Variants in ARHGEF28 observed in about 807,000 individuals in gnomAD.
The protein encoded by ARHGEF28 is 190 kDa guanine nucleotide exchange factor.
A neutral mutation model predicts 206.6 loss-of-function variants in ARHGEF28; 152 were observed. The ratio of observed to expected loss-of-function variants is 0.74; its 90% CI spans 0.64 to 0.84. The LOEUF is 0.84. Among genes scored for constraint, ARHGEF28 ranks in the 40% least tolerant of loss-of-function variants. The pLI is 0.00. For synonymous variants in ARHGEF28, 763 were observed against 776.4 expected, an observed-to-expected ratio of 0.98 and a Z score of 0.29; for missense variants, 2,028 against 2,073.2, an observed-to-expected ratio of 0.98 and a Z score of 0.42.
intron 9 of ARHGEF28, among the ~76,000 whole-genome samples, chr5:73,824,572 G>A (rs920572825): frequency 6.6e-6 from 1 of 151,762 alleles, no homozygotes; most frequent in Non-Finnish European, 1.5e-5. Flanking sequence ...CAGGTCAAGC[G>A]ATTCTCCTGC....
At chr5:73,676,239 GTT>G (rs879828934) in intron 1 of ARHGEF28, among the ~76,000 whole-genome samples, 3 of 82,472 alleles carry the variant, frequency 3.6e-5, no homozygotes, top group Admixed American at 1.1e-4. Context: ...CCCAGCTAAT[GTT>G]TTTTTTTTTT....
chr5:73,891,893 G>A (rs569684739), intron 26 of ARHGEF28, among the ~76,000 whole-genome samples, 159 bp from the exon 27 acceptor site: 4 of 152,190 alleles, frequency 2.6e-5, no homozygotes, highest in South Asian at 2.1e-4. Context: ...TTTCCATACC[G>A]TCTCCATTGG....
intron 22 of ARHGEF28, among the ~76,000 whole-genome samples, chr5:73,875,178 A>G (rs1239847613): frequency 2.0e-5 from 3 of 151,972 alleles, no homozygotes; most frequent in Admixed American, 6.6e-5. Flanking sequence ...AGTGATGATG[A>G]GCATTTTTTC....
intron 9 of ARHGEF28, among the ~76,000 whole-genome samples, chr5:73,828,784 C>A (rs1226219553): frequency 6.7e-6 from 1 of 149,218 alleles, no homozygotes; most frequent in Middle Eastern, 3.4e-3. Flanking sequence ...CCTTTCCTTC[C>A]TTTCCTTTCT....
chr5:73,749,740 A>G (rs1016312072), intron 2 of ARHGEF28, 97 bp from the exon 3 acceptor site: 15 of 1,371,522 alleles, frequency 1.1e-5, no homozygotes, highest in African/African-American at 1.4e-5. Flanking sequence ...AGTGAACATA[A>G]CAAATGACAC....
chr5:73,816,427 A>G (rs1756215659), intron 9 of ARHGEF28, among the ~76,000 whole-genome samples: 1 of 152,146 alleles, frequency 6.6e-6, no homozygotes, highest in Non-Finnish European at 1.5e-5. Context: ...ATGTAGGTTC[A>G]AGTCACCTGA....
chr5:73,836,102 G>A (rs1342929708), intron 10 of ARHGEF28, among the ~76,000 whole-genome samples: 1 of 152,194 alleles, frequency 6.6e-6, no homozygotes, highest in Non-Finnish European at 1.5e-5. Context: ...TAGTGCTGCA[G>A]TGAACATGGG....
chr5:73,928,226 A>C (rs1046081480), intron 35 of ARHGEF28, among the ~76,000 whole-genome samples: 1 of 152,064 alleles, frequency 6.6e-6, no homozygotes, highest in Non-Finnish European at 1.5e-5. Context: ...CGAGAGCCTG[A>C]CCAACATGGT....
At chr5:73,801,404 A>G (rs1344127392) in intron 9 of ARHGEF28, among the ~76,000 whole-genome samples, 1 of 151,958 alleles carries the variant, frequency 6.6e-6, no homozygotes, top group Non-Finnish European at 1.5e-5. Flanking sequence ...CCGAGATCGC[A>G]CCACTGCACT....
chr5:73,728,094 C>T (rs971997261), intron 2 of ARHGEF28, among the ~76,000 whole-genome samples: 2 of 152,138 alleles, frequency 1.3e-5, no homozygotes, highest in Non-Finnish European at 2.9e-5. Flanking sequence ...TAGTGTTGGT[C>T]CTGTTGAGGT....
Position 73,846,274 on chromosome 5 carries a change from C to T in ARHGEF28, c.1434C>T (p.Ser478=). Residue 478 remains serine, a synonymous_variant, in exon 12 of 36, where the codon AGC becomes AGT. Transcript: ENST00000513042. ...EQSHLKKRSS[S]LDALDADSEG... The stretch of plus-strand genomic sequence containing the variant: ...TGCTGGCTTTGTGCTTTAGTTCTAG[C>T]CTTGATGCCTTGGACGCCGACAGTG... 1 of 1,613,100 alleles carries T rather than the reference C, an allele frequency of 6.2e-7. No homozygotes were observed. Among genetic ancestry groups the T allele is most frequent in the Admixed American group, 1.7e-5 (1 of 59,978 alleles).
At chr5:73,721,653 G>A (rs1341722507) in intron 2 of ARHGEF28, among the ~76,000 whole-genome samples, 2 of 152,150 alleles carry the variant, frequency 1.3e-5, no homozygotes, top group Admixed American at 1.3e-4. Flanking sequence ...GCTCACTGCA[G>A]CCTGGACCTC....
chr5:73,738,079 CG>C (rs1751120532), intron 2 of ARHGEF28, among the ~76,000 whole-genome samples: 3 of 152,110 alleles, frequency 2.0e-5, no homozygotes, highest in Admixed American at 1.3e-4. Context: ...GGGATGCTGT[CG>C]GGGTGGGTGC....
intron 1 of ARHGEF28, among the ~76,000 whole-genome samples, chr5:73,654,296 A>G (rs902963348): frequency 2.0e-5 from 3 of 152,164 alleles, no homozygotes; most frequent in African/African-American, 7.2e-5. Flanking sequence ...AGAACCCCAT[A>G]AATGTCTGCT....
chr5:73,641,336 C>A (rs1340786199), intron 1 of ARHGEF28, among the ~76,000 whole-genome samples: 2 of 151,754 alleles, frequency 1.3e-5, no homozygotes, highest in African/African-American at 4.8e-5. Flanking sequence ...TCCTTCAAAC[C>A]TGGTGACTAA....
intron 26 of ARHGEF28, among the ~76,000 whole-genome samples, chr5:73,888,853 T>C (rs574409486): frequency 6.6e-6 from 1 of 152,286 alleles, no homozygotes; most frequent in East Asian, 1.9e-4. Context: ...ATCCACCAAA[T>C]GGCAGAATGA....
At chr5:73,795,450 G>A in intron 9 of ARHGEF28, 59 bp downstream of exon 9, 2 of 1,413,568 alleles carry the variant, frequency 1.4e-6, no homozygotes, top group Non-Finnish European at 2.0e-6. Context: ...GGTTTAGAGT[G>A]GACAAGAAGC....
chr5:73,880,545 G>A (rs986514652), intron 22 of ARHGEF28, among the ~76,000 whole-genome samples: 1 of 152,224 alleles, frequency 6.6e-6, no homozygotes, highest in Non-Finnish European at 1.5e-5. Context: ...CTGTAGACCG[G>A]AGCTGTTCCT....
intron 4 of ARHGEF28, among the ~76,000 whole-genome samples, chr5:73,768,449 G>T (rs1753035541): frequency 6.6e-6 from 1 of 152,298 alleles, no homozygotes; most frequent in South Asian, 2.1e-4. Context: ...GTGTGACCTG[G>T]ATATGAGACA....
Sources: gnomAD v4.1 joint callset for allele counts (sites outside exome capture counted in the v4.1 genomes callset) on GRCh38, gnomAD v4.1.1 for gene constraint, MANE v1.5 for transcripts, NCBI Gene and HGNC (gene_info 2026-07-23, HGNC 2026-07-21) for gene names.